The following METTL21C variants were observed in gnomAD, a reference collection of about 807,000 sequenced individuals.
METTL21C encodes protein-lysine methyltransferase METTL21C.
In METTL21C, 21 loss-of-function variants were observed where a neutral mutation model predicts 25.9. The observed-to-expected ratio is 0.81, with a 90% CI of 0.58 to 1.17. The LOEUF (loss-of-function observed/expected upper bound fraction) is 1.17, where lower values mean the gene tolerates loss of function less well. Ranked by LOEUF, METTL21C falls within the 50% of genes most tolerant of loss-of-function variation. The probability of loss-of-function intolerance (pLI) is 0.00; values close to 1 mark genes in which losing one functional copy is unlikely to be tolerated. For missense variants in METTL21C, 312 were observed against 315.1 expected (o/e 0.99, Z 0.07); for synonymous variants, 125 against 124.7 (o/e 1.00, Z -0.01).
At chr13:102,702,273 C>T in the METTL21C span, among the ~76,000 whole-genome samples, 5 of 151,710 alleles carry the variant, frequency 3.3e-5, no homozygotes, top group African/African-American at 1.2e-4. Flanking sequence ...CATGTGTCCA[C>T]TGAAAGCCCA....
At chr13:102,699,086 C>T (rs561081340), upstream of METTL21C, among the ~76,000 whole-genome samples, 8 of 152,088 alleles carry the variant, frequency 5.3e-5, no homozygotes, top group Admixed American at 6.6e-5. Flanking sequence ...CACCAAACCA[C>T]GAAGAGCAGG....
chr13:102,699,737 A>G (rs981375961), upstream of METTL21C, among the ~76,000 whole-genome samples: 2 of 152,246 alleles, frequency 1.3e-5, no homozygotes, highest in African/African-American at 4.8e-5. Flanking sequence ...TCCCTCAATT[A>G]GCTGGTAACA....
chr13:102,694,278 T>A (rs79980448), intron 1 of METTL21C, 91 bp downstream of exon 1: 5 of 1,426,700 alleles, frequency 3.5e-6, no homozygotes, highest in Non-Finnish European at 4.8e-6. Flanking sequence ...TAAAAGGAAA[T>A]GGAAATTCTT....
intron 2 of METTL21C, among the ~76,000 whole-genome samples, chr13:102,688,870 CCG>C (rs143130571): frequency 0.63 from 94,954 of 151,586 alleles, 29,819 homozygotes; most frequent in East Asian, 0.74. Flanking sequence ...AAACATTCCC[CCG>C]CCAGCCCCTT....
intron 1 of METTL21C, among the ~76,000 whole-genome samples, chr13:102,691,325 G>A (rs1429018822): frequency 2.6e-5 from 4 of 151,430 alleles, no homozygotes; most frequent in African/African-American, 9.7e-5. Context: ...GGATACAGAG[G>A]AACTAGGTAA....
At chr13:102,702,145 C>T in the METTL21C span, among the ~76,000 whole-genome samples, 2 of 147,980 alleles carry the variant, frequency 1.4e-5, no homozygotes, top group African/African-American at 5.1e-5. Context: ...GTCTAGGTGA[C>T]AGAGCAAGAC....
chr13:102,690,985 A>C, intron 1 of METTL21C, 21 bp from the exon 2 acceptor site: 2 of 1,612,596 alleles, frequency 1.2e-6, no homozygotes, highest in Non-Finnish European at 1.7e-6. Context: ...GAAAAATAAA[A>C]TGGAGTTCAT....
chr13:102,687,933 T>C (rs1333847660), intron 2 of METTL21C, among the ~76,000 whole-genome samples: 2 of 152,202 alleles, frequency 1.3e-5, no homozygotes, highest in African/African-American at 4.8e-5. Flanking sequence ...TTTGCATTGA[T>C]TGCTGAGGTG....
At chr13:102,692,962 A>G (rs888102407) in intron 1 of METTL21C, among the ~76,000 whole-genome samples, 1 of 152,198 alleles carries the variant, frequency 6.6e-6, no homozygotes, top group Non-Finnish European at 1.5e-5. Context: ...TAGAGGCAGG[A>G]GGAAGGCCGA....
chr13:102,690,731 G>C (rs927337359), intron 2 of METTL21C, 82 bp downstream of exon 2: 1 of 1,505,788 alleles, frequency 6.6e-7, no homozygotes, highest in Non-Finnish European at 9.0e-7. Flanking sequence ...GAAGGAACTT[G>C]ACAAATTGTC....
chr13:102,699,659 T>A (rs534454803), upstream of METTL21C, among the ~76,000 whole-genome samples: 42 of 152,306 alleles, frequency 2.8e-4, no homozygotes, highest in Non-Finnish European at 5.9e-4. Context: ...CGACATTCAA[T>A]GTGTGTGATT....
intron 1 of METTL21C, among the ~76,000 whole-genome samples, chr13:102,693,340 A>C (rs1885875808): frequency 6.6e-6 from 1 of 152,188 alleles, no homozygotes. Context: ...AGCTACAAAA[A>C]ATGCTGAAAT....
At chr13:102,688,620 A>G (rs1473394554) in intron 2 of METTL21C, among the ~76,000 whole-genome samples, 1 of 152,116 alleles carries the variant, frequency 6.6e-6, no homozygotes, top group African/African-American at 2.4e-5. Flanking sequence ...GGAAGTTTTG[A>G]AGAAAGGAGT....
At chr13:102,691,450 A>G (rs368744271) in intron 1 of METTL21C, among the ~76,000 whole-genome samples, 4 of 152,032 alleles carry the variant, frequency 2.6e-5, no homozygotes, top group African/African-American at 9.7e-5. Context: ...CCCGGGTTCA[A>G]GTGATTCTCC....
At chr13:102,696,695 C>T (rs180991710), upstream of METTL21C, among the ~76,000 whole-genome samples, 175 of 152,172 alleles carry the variant, frequency 1.2e-3, no homozygotes, top group Non-Finnish European at 1.6e-3. Context: ...TCCAAATCAC[C>T]CGGAAGCTTT....
chr13:102,700,106 T>C, the METTL21C span, among the ~76,000 whole-genome samples: 1 of 152,192 alleles, frequency 6.6e-6, no homozygotes, highest in African/African-American at 2.4e-5. Flanking sequence ...ATGACCAACA[T>C]TACCAGTGAA....
At chr13:102,692,776 A>G (rs1156475789) in intron 1 of METTL21C, among the ~76,000 whole-genome samples, 2 of 152,184 alleles carry the variant, frequency 1.3e-5, no homozygotes, top group Non-Finnish European at 2.9e-5. Context: ...AAGGTAACCA[A>G]TTCAGTCCTG....
At chr13:102,694,235 T>C (rs1175879811) in intron 1 of METTL21C, 134 bp downstream of exon 1, 1 of 952,472 alleles carries the variant, frequency 1.0e-6, no homozygotes, top group Non-Finnish European at 1.6e-6. Flanking sequence ...AACATTTTTC[T>C]GCTAAGCTTC....
chr13:102,686,529 C>T (rs1051831064), intron 3 of METTL21C, 104 bp from the exon 4 acceptor site: 6 of 1,352,554 alleles, frequency 4.4e-6, no homozygotes, highest in Non-Finnish European at 5.0e-6. Flanking sequence ...AGCCTTGGCT[C>T]TATTGGTGGG....
Sources: gnomAD v4.1 joint callset for allele counts (sites outside exome capture counted in the v4.1 genomes callset) on GRCh38, gnomAD v4.1.1 for gene constraint, MANE v1.5 for transcripts, NCBI Gene and HGNC (gene_info 2026-07-23, HGNC 2026-07-21) for gene names.